Variants in PTPRD observed in about 807,000 individuals in gnomAD.
PTPRD encodes the protein protein tyrosine phosphatase receptor type D.
In PTPRD, 34 loss-of-function variants were observed where a neutral mutation model predicts 214.5. The observed-to-expected ratio is 0.16, with a 90% CI of 0.12 to 0.21. The LOEUF is 0.21. Among genes scored for constraint, PTPRD ranks in the 10% least tolerant of loss-of-function variants. The probability of loss-of-function intolerance (pLI) is 1.00; values close to 1 mark genes in which losing one functional copy is unlikely to be tolerated. For synonymous variants in PTPRD, 1,128 were observed against 845.7 expected, an observed-to-expected ratio of 1.33 and a Z score of -5.79; for missense variants, 2,545 against 2,398.7, an observed-to-expected ratio of 1.06 and a Z score of -1.27.
At chr9:10,318,067 A>G (rs1263669520) in intron 3 of PTPRD, among the ~76,000 whole-genome samples, 1 of 151,956 alleles carries the variant, frequency 6.6e-6, no homozygotes, top group Non-Finnish European at 1.5e-5. Flanking sequence ...CCCCTAGTAA[A>G]TGAAATCAAA....
At chr9:10,290,543 T>G (rs1021866878) in intron 3 of PTPRD, among the ~76,000 whole-genome samples, 1 of 152,182 alleles carries the variant, frequency 6.6e-6, no homozygotes. Flanking sequence ...AAATTACAGA[T>G]TCCAATGACA....
chr9:10,190,334 C>G (rs2099357207), intron 3 of PTPRD, among the ~76,000 whole-genome samples: 1 of 131,090 alleles, frequency 7.6e-6, no homozygotes. Flanking sequence ...ATCATGCAAT[C>G]ATGACACTGC....
At chr9:8,948,472 T>TATATATTTATATATATATTTAC (rs2099081790) in intron 11 of PTPRD, among the ~76,000 whole-genome samples, 1 of 19,026 alleles carries the variant, frequency 5.3e-5, no homozygotes, top group African/African-American at 1.4e-4. Context: ...TATTTACATA[T>TATATATTTATATATATATTTAC]ATATATATTT....
At chr9:9,462,776 A>C (rs2093776685) in intron 8 of PTPRD, among the ~76,000 whole-genome samples, 1 of 152,138 alleles carries the variant, frequency 6.6e-6, no homozygotes, top group African/African-American at 2.4e-5. Context: ...AGCAGGTGAC[A>C]TGGCAGATGA....
chr9:9,997,552 G>C (rs1010842420), intron 4 of PTPRD, among the ~76,000 whole-genome samples: 15 of 152,128 alleles, frequency 9.9e-5, no homozygotes, highest in African/African-American at 3.6e-4. Flanking sequence ...GCCTCCCAAA[G>C]TGCTGTGATT....
rs1447733310 is a variant in PTPRD, at chr9:9,838,906, T to C, written c.-367-72055A>G. ...AGGATTTTTATGGTTTTAGGTCTAA[T>C]GTTTAAGTCTTTAATCCATCTTGAA... On this transcript the variant is annotated intron_variant, in intron 5 of 45. Coordinates refer to ENST00000381196, the MANE Select transcript of PTPRD (RefSeq NM_002839.4). Among the ~76,000 whole-genome samples, 13 of 152,094 alleles carry C rather than the reference T, an allele frequency of 8.5e-5. 1 individual carries two copies. The South Asian group carries it at 1.7e-3, about 19-fold the overall frequency.
chr9:10,406,328 A>G lies in PTPRD; in HGVS notation c.-599-65311T>C, dbSNP rs1460634929. 3.3e-5 allele frequency among the ~76,000 whole-genome samples: 5 copies of G among 151,740 alleles called. No individual in the cohort carries two copies. In the East Asian group the frequency reaches 5.9e-4, roughly 18 times the overall value. ...ATAACCAGATTTAATTATAAAACTA[A>G]TATCACATTTGTACAAAATACCTAA... On this transcript the variant is annotated intron_variant, in intron 2 of 45. Coordinates refer to ENST00000381196, the MANE Select transcript of PTPRD (RefSeq NM_002839.4).
chr9:10,546,937 G>C (rs1260340284), intron 2 of PTPRD, among the ~76,000 whole-genome samples: 1 of 152,054 alleles, frequency 6.6e-6, no homozygotes, highest in African/African-American at 2.4e-5. Context: ...AGTTTGACCA[G>C]CACTGTACAG....
At chr9:9,807,478 T>C (rs1196350976) in intron 5 of PTPRD, among the ~76,000 whole-genome samples, 1 of 152,088 alleles carries the variant, frequency 6.6e-6, no homozygotes, top group Non-Finnish European at 1.5e-5. Context: ...GAAAAGGCAA[T>C]AGTAGTGTGA....
chr9:10,326,753 G>A (rs1313424881), intron 3 of PTPRD, among the ~76,000 whole-genome samples: 2 of 151,262 alleles, frequency 1.3e-5, no homozygotes, highest in African/African-American at 2.4e-5. Flanking sequence ...TTGTGTTTTT[G>A]TATATTATAA....
intron 5 of PTPRD, among the ~76,000 whole-genome samples, chr9:9,875,622 TA>T (rs1467731676): frequency 1.3e-5 from 2 of 152,144 alleles, no homozygotes; most frequent in African/African-American, 4.8e-5. Flanking sequence ...TATTGTAGGT[TA>T]ACAATGTCTT....
At chr9:8,982,894 A>T (rs754954014) in intron 11 of PTPRD, among the ~76,000 whole-genome samples, 1 of 152,058 alleles carries the variant, frequency 6.6e-6, no homozygotes, top group Non-Finnish European at 1.5e-5. Flanking sequence ...GTTTTTGGCT[A>T]ATAATGTAGC....
chr9:10,041,506 A>G (rs1180817273), intron 3 of PTPRD, among the ~76,000 whole-genome samples: 1 of 150,932 alleles, frequency 6.6e-6, no homozygotes, highest in African/African-American at 2.4e-5. Flanking sequence ...TAGAGCAACT[A>G]TTTCAATTTT....
intron 10 of PTPRD, among the ~76,000 whole-genome samples, chr9:9,088,571 C>T (rs1489357672): frequency 1.3e-5 from 1 of 74,168 alleles, no homozygotes; most frequent in African/African-American, 6.3e-5. Context: ...CAGAGTGAGA[C>T]TTAGTCTCAG....
At chr9:8,790,181 A>AT (rs1440748567) in intron 11 of PTPRD, among the ~76,000 whole-genome samples, 3 of 151,266 alleles carry the variant, frequency 2.0e-5, no homozygotes, top group Admixed American at 6.6e-5. Context: ...TATGCCTAAT[A>AT]TTTTTTTTAT....
intron 5 of PTPRD, among the ~76,000 whole-genome samples, chr9:9,895,453 T>C (rs997646197): frequency 1.3e-5 from 2 of 152,020 alleles, no homozygotes; most frequent in Non-Finnish European, 2.9e-5. Context: ...CTTTTTAAAA[T>C]TTTTGCTGTT....
chr9:9,432,262 A>T (rs1489903204), intron 8 of PTPRD, among the ~76,000 whole-genome samples: 1 of 152,038 alleles, frequency 6.6e-6, no homozygotes, highest in African/African-American at 2.4e-5. Context: ...CCAGAATCAG[A>T]CACTGGCTTA....
intron 2 of PTPRD, among the ~76,000 whole-genome samples, chr9:10,540,650 G>A (rs2058902715): frequency 2.0e-5 from 3 of 152,124 alleles, no homozygotes; most frequent in African/African-American, 7.2e-5. Context: ...AAGGTGTAAT[G>A]TGTTCCAAAT....
At chr9:10,380,395 C>T (rs185874515) in intron 2 of PTPRD, among the ~76,000 whole-genome samples, 3 of 152,066 alleles carry the variant, frequency 2.0e-5, no homozygotes, top group Admixed American at 1.3e-4. Flanking sequence ...TGGTTTTGAA[C>T]ATGATTTTCA....
Sources: gnomAD v4.1 joint callset for allele counts (sites outside exome capture counted in the v4.1 genomes callset) on GRCh38, gnomAD v4.1.1 for gene constraint, MANE v1.5 for transcripts, NCBI Gene and HGNC (gene_info 2026-07-23, HGNC 2026-07-21) for gene names.